The following PLPPR1 variants were observed in gnomAD, a reference collection of about 807,000 sequenced individuals.
PLPPR1 encodes the protein phospholipid phosphatase related 1, also known as phospholipid phosphatase-related protein type 1.
A neutral mutation model predicts 33.1 loss-of-function variants in PLPPR1; 10 were observed. The observed-to-expected ratio is 0.30, with a 90% CI of 0.19 to 0.51. The LOEUF is 0.51. PLPPR1 is among the 20% of genes least tolerant of loss of function. PLPPR1 has a pLI of 0.97. For synonymous variants in PLPPR1, 151 were observed against 151.0 expected, an observed-to-expected ratio of 1.00 and a Z score of 0.00; for missense variants, 304 against 408.1, an observed-to-expected ratio of 0.74 and a Z score of 2.20.
chr9:101,093,140 C>T (rs1194216383), intron 1 of PLPPR1, among the ~76,000 whole-genome samples: 3 of 152,166 alleles, frequency 2.0e-5, no homozygotes, highest in African/African-American at 7.2e-5. Flanking sequence ...AGGCAAGTCA[C>T]CAGCTTTGAG....
At chr9:101,062,237 G>C (rs535147566) in intron 1 of PLPPR1, among the ~76,000 whole-genome samples, 1 of 151,186 alleles carries the variant, frequency 6.6e-6, no homozygotes, top group African/African-American at 2.4e-5. Context: ...ATCTGTCAAG[G>C]ATCACATTAA....
At chr9:101,296,981 T>C (rs1828657944) in intron 4 of PLPPR1, among the ~76,000 whole-genome samples, 1 of 151,906 alleles carries the variant, frequency 6.6e-6, no homozygotes, top group Non-Finnish European at 1.5e-5. Context: ...ACACTATGAA[T>C]CCATAATTGT....
intron 1 of PLPPR1, among the ~76,000 whole-genome samples, chr9:101,153,862 C>A (rs1185685854): frequency 6.6e-6 from 1 of 151,848 alleles, no homozygotes; most frequent in Non-Finnish European, 1.5e-5. Context: ...GGACTACAGG[C>A]GTGAGCCACC....
In PLPPR1 at chr9:101,118,025, A is replaced by T. The variant is rs565824178; in HGVS notation, c.-45-67425A>T. ...TTAGCAGTATTTTCAAGTAAAAAGC[A>T]TAAAGGAACAATTCAGATGGTAGCC... On this transcript the variant is annotated intron_variant, in intron 1 of 7. Transcript: ENST00000374874. Among the ~76,000 whole-genome samples the T allele has an allele frequency of 1.3e-3, 198 of 152,382 alleles. 2 individuals are homozygous for T. The highest frequency in any genetic ancestry group is 4.1e-3 in the African/African-American group (171 of 41,598).
intron 3 of PLPPR1, among the ~76,000 whole-genome samples, chr9:101,280,067 G>A (rs1300562949): frequency 6.6e-6 from 1 of 152,012 alleles, no homozygotes; most frequent in Non-Finnish European, 1.5e-5. Context: ...GACGAAAAGA[G>A]ATGACTCAAA....
At chr9:101,308,729 C>T (rs1471331460) in intron 4 of PLPPR1, among the ~76,000 whole-genome samples, 1 of 152,146 alleles carries the variant, frequency 6.6e-6, no homozygotes, top group Non-Finnish European at 1.5e-5. Context: ...AGATGATTTA[C>T]ATTTCCAAGT....
At chr9:101,033,547 T>G (rs537751186) in intron 1 of PLPPR1, among the ~76,000 whole-genome samples, 1 of 151,990 alleles carries the variant, frequency 6.6e-6, no homozygotes, top group African/African-American at 2.4e-5. Context: ...ATATAGGGAT[T>G]AAGGAGAGAA....
At chr9:101,255,286 C>T (rs1827779111) in intron 2 of PLPPR1, among the ~76,000 whole-genome samples, 1 of 152,062 alleles carries the variant, frequency 6.6e-6, no homozygotes, top group Non-Finnish European at 1.5e-5. Flanking sequence ...TTTCAAGCTA[C>T]CCTTTAGCAA....
chr9:101,176,755 A>C (rs2118699961), intron 1 of PLPPR1, among the ~76,000 whole-genome samples: 1 of 152,334 alleles, frequency 6.6e-6, no homozygotes, highest in East Asian at 1.9e-4. Context: ...GGGGAGTTAC[A>C]GTACAGCACA....
chr9:101,211,424 T>A (rs996401557), intron 2 of PLPPR1, among the ~76,000 whole-genome samples: 3 of 152,224 alleles, frequency 2.0e-5, no homozygotes, highest in Non-Finnish European at 4.4e-5. Flanking sequence ...CTGTCTTATC[T>A]AATGAGTGAC....
intron 1 of PLPPR1, among the ~76,000 whole-genome samples, chr9:101,122,115 GGTTA>G (rs1831185000): frequency 6.6e-6 from 1 of 152,074 alleles, no homozygotes; most frequent in Non-Finnish European, 1.5e-5. Flanking sequence ...TTGTTTTTCA[GGTTA>G]GTTATTGCCA....
chr9:101,149,475 G>C (rs944332261), intron 1 of PLPPR1, among the ~76,000 whole-genome samples: 2 of 152,144 alleles, frequency 1.3e-5, no homozygotes, highest in African/African-American at 4.8e-5. Flanking sequence ...TTCCATCTGG[G>C]ACCTGTGGGC....
At chr9:101,137,795 A>C (rs1024386824) in intron 1 of PLPPR1, among the ~76,000 whole-genome samples, 2 of 152,226 alleles carry the variant, frequency 1.3e-5, no homozygotes, top group African/African-American at 2.4e-5. Flanking sequence ...ATAATGTATT[A>C]GGGTTTACAA....
At chr9:101,030,715 C>G (rs111251580) in intron 1 of PLPPR1, among the ~76,000 whole-genome samples, 41 of 151,964 alleles carry the variant, frequency 2.7e-4, no homozygotes, top group Non-Finnish European at 5.0e-4. Flanking sequence ...AGTACTTATG[C>G]CTGCTGCTCC....
chr9:101,232,914 T>G (rs1827220894), intron 2 of PLPPR1, among the ~76,000 whole-genome samples: 1 of 152,010 alleles, frequency 6.6e-6, no homozygotes, highest in African/African-American at 2.4e-5. Flanking sequence ...TTAACTTTCT[T>G]TTGGCTTATC....
At chr9:101,224,872 G>T (rs114509900) in intron 2 of PLPPR1, among the ~76,000 whole-genome samples, 1 of 152,204 alleles carries the variant, frequency 6.6e-6, no homozygotes, top group East Asian at 1.9e-4. Context: ...TCCAGGGCTG[G>T]TTCCTCCAGT....
intron 1 of PLPPR1, among the ~76,000 whole-genome samples, chr9:101,139,485 C>T (rs372338115): frequency 6.2e-4 from 95 of 152,228 alleles, no homozygotes; most frequent in African/African-American, 2.1e-3. Context: ...ATTTAAAAAG[C>T]TATCATGATT....
intron 1 of PLPPR1, among the ~76,000 whole-genome samples, chr9:101,137,297 G>A (rs1831388615): frequency 6.6e-6 from 1 of 152,180 alleles, no homozygotes; most frequent in South Asian, 2.1e-4. Flanking sequence ...TGTTCAGGGA[G>A]AGGCACTATG....
intron 3 of PLPPR1, among the ~76,000 whole-genome samples, chr9:101,278,341 A>G (rs1828234207): frequency 6.6e-6 from 1 of 152,212 alleles, no homozygotes; most frequent in African/African-American, 2.4e-5. Flanking sequence ...AGTTGGTGGA[A>G]TAGTGCTATC....
Sources: gnomAD v4.1 joint callset for allele counts (sites outside exome capture counted in the v4.1 genomes callset) on GRCh38, gnomAD v4.1.1 for gene constraint, MANE v1.5 for transcripts, NCBI Gene and HGNC (gene_info 2026-07-23, HGNC 2026-07-21) for gene names.